CNKSR1: variants seen among roughly 807,000 people sequenced by gnomAD.
CNKSR1 encodes connector enhancer of kinase suppressor of Ras 1.
CNKSR1 carries 88 observed loss-of-function variants against 95.6 expected under a neutral mutation model. The ratio of observed to expected loss-of-function variants is 0.92; its 90% CI spans 0.78 to 1.10. CNKSR1 has a LOEUF of 1.10. CNKSR1 is among the 50% of genes least tolerant of loss of function. The pLI is 0.00. For synonymous variants in CNKSR1, 355 were observed against 369.7 expected, an observed-to-expected ratio of 0.96 and a Z score of 0.46; for missense variants, 836 against 912.0, an observed-to-expected ratio of 0.92 and a Z score of 1.07.
chr1:26,181,066 G>A, intron 3 of CNKSR1, 170 bp downstream of exon 3: 1 of 772,280 alleles, frequency 1.3e-6, no homozygotes, highest in South Asian at 1.5e-5. Context: ...GATCACTTGA[G>A]GTCAGGAGTT....
In CNKSR1 at chr1:26,184,394, C is replaced by G. The variant is rs2088706892; in HGVS notation, c.1001-7C>G. 1 of 1,611,700 alleles carries G rather than the reference C, an allele frequency of 6.2e-7. No individual in the cohort carries two copies. Among genetic ancestry groups the G allele is most frequent in the Non-Finnish European group, 8.5e-7 (1 of 1,178,292 alleles). On this transcript the variant is annotated splice_region_variant and splice_polypyrimidine_tract_variant and intron_variant, in intron 11 of 20. Transcript: ENST00000361530. Reference sequence around the variant, plus strand: ...GACTTTCCCTCTCTCTCCTCCCTCCCTGACAGACTCTGCCTCCCTTGGCCC... The same window carrying G: ...GACTTTCCCTCTCTCTCCTCCCTCCGTGACAGACTCTGCCTCCCTTGGCCC...
Position 26,189,380 on chromosome 1 carries a change from C to T in CNKSR1, c.1974C>T (p.Tyr658=). The T allele has an allele frequency of 6.2e-7, 1 of 1,613,966 alleles. No homozygotes were observed. Among genetic ancestry groups the T allele is most frequent in the South Asian group, 1.1e-5 (1 of 91,080 alleles). Reference sequence around the variant, plus strand: ...GGAAGGAGCAGAACCGGGAGCTGTACTCAGAGGGCCTGGGGGCCTGGGGAG... The same window carrying T: ...GGAAGGAGCAGAACCGGGAGCTGTATTCAGAGGGCCTGGGGGCCTGGGGAG... The part of the protein sequence containing the change: ...RQWKEQNREL[Y]SEGLGAWGVA... Residue 658 remains tyrosine (Y), a synonymous_variant, in exon 21 of 21, where the codon TAC becomes TAT. Coordinates refer to ENST00000361530, the MANE Select transcript of CNKSR1 (RefSeq NM_006314.3).
chr1:26,185,383 G>C (rs2088730643), intron 14 of CNKSR1, among the ~76,000 whole-genome samples, 197 bp downstream of exon 14: 1 of 150,876 alleles, frequency 6.6e-6, no homozygotes, highest in South Asian at 2.1e-4. Flanking sequence ...AGGAGGTATA[G>C]AGAAAAATCT....
intron 12 of CNKSR1, 23 bp from the exon 13 acceptor site, chr1:26,184,562 T>G (rs999908148): frequency 1.9e-6 from 3 of 1,608,166 alleles, no homozygotes; most frequent in Non-Finnish European, 2.5e-6. Flanking sequence ...GATCCTTCTC[T>G]CACCCTTCTG....
At chr1:26,186,511 G>T (rs1441144427) in intron 14 of CNKSR1, among the ~76,000 whole-genome samples, 3 of 152,112 alleles carry the variant, frequency 2.0e-5, no homozygotes, top group Non-Finnish European at 4.4e-5. Flanking sequence ...GTCTCGCTCT[G>T]TTGCCCAGGC....
chr1:26,184,409 T>C lies in CNKSR1; in HGVS notation c.1009T>C (p.Ser337Pro). The C allele has an allele frequency of 6.2e-7, 1 of 1,612,942 alleles. No homozygotes were observed. Among genetic ancestry groups the C allele is most frequent in the Non-Finnish European group, 8.5e-7 (1 of 1,179,360 alleles). The change falls in exon 12 of 21, where the codon TCC becomes CCC. Residue 337 changes from serine to proline, a missense_variant. By Grantham distance (74) the Ser-to-Pro change is moderately conservative (BLOSUM62 -1). Coordinates refer to ENST00000361530, the MANE Select transcript of CNKSR1 (RefSeq NM_006314.3). Reference protein sequence around the residue: ...GPSPAWTDSASLGPEPLPIPP... With the variant: ...GPSPAWTDSAPLGPEPLPIPP... Reference sequence around the variant, plus strand: ...TCCTCCCTCCCTGACAGACTCTGCCTCCCTTGGCCCTGAGCCCCTGCCCAT... The same window carrying C: ...TCCTCCCTCCCTGACAGACTCTGCCCCCCTTGGCCCTGAGCCCCTGCCCAT...
chr1:26,184,247 G>C lies in CNKSR1; in HGVS notation c.960G>C (p.Leu320=). The C allele has an allele frequency of 6.2e-7, 1 of 1,613,566 alleles. No individual in the cohort carries two copies. The highest frequency in any genetic ancestry group is 2.2e-5 in the East Asian group (1 of 44,768). The change falls in exon 11 of 21, where the codon CTG becomes CTC. Residue 320 remains leucine (L), a synonymous_variant. Transcript: ENST00000361530. ...APSEDVFAFD[L]SSNPSPGPSP... ...CTGAAGACGTCTTTGCCTTTGACCTGTCTTCAAACCCCAGTCCCGGACCCA... is the reference window on the plus strand; with the variant it reads ...CTGAAGACGTCTTTGCCTTTGACCTCTCTTCAAACCCCAGTCCCGGACCCA...
At position 26,189,855 on chromosome 1, in the gene CNKSR1, C is replaced by A; in HGVS notation, c.*307C>A. 1 of 597,802 alleles carries A rather than the reference C, an allele frequency of 1.7e-6. No individual in the cohort carries two copies. Among genetic ancestry groups the A allele is most frequent in the South Asian group, 1.7e-5 (1 of 57,628 alleles). 37.0% of individuals were successfully genotyped at this position (597,802 alleles called of 1,614,324 possible). On this transcript the variant is annotated 3_prime_UTR_variant, in exon 21 of 21. Coordinates refer to ENST00000361530, the MANE Select transcript of CNKSR1 (RefSeq NM_006314.3). Reference sequence around the variant, plus strand: ...CTTTATTTTACATGAGGGCTACTTTCCAACCAAATAAAGTCAATTTTTCTA... The same window carrying A: ...CTTTATTTTACATGAGGGCTACTTTACAACCAAATAAAGTCAATTTTTCTA...
intron 14 of CNKSR1, among the ~76,000 whole-genome samples, chr1:26,186,474 T>TGTTTG (rs1419352171): frequency 2.0e-5 from 3 of 149,722 alleles, no homozygotes; most frequent in Non-Finnish European, 1.5e-5. Flanking sequence ...CTAAGTTTTT[T>TGTTTG]GTTTGTTTTG....
In CNKSR1 at chr1:26,180,897, G is replaced by A. The variant is rs767934871; in HGVS notation, c.392+1G>A. On this transcript the variant is annotated splice_donor_variant, in intron 3 of 20. Coordinates refer to ENST00000361530, the MANE Select transcript of CNKSR1 (RefSeq NM_006314.3). LOFTEE classifies it high-confidence loss of function. ...ACGCCCTCCTCTTCTGGCTCAGCAG[G>A]TACCCGGGTTGGGGTGACGAGTGAG... 1.2e-5 allele frequency: 19 copies of A among 1,614,204 alleles called. No individual in the cohort carries two copies. The highest frequency in any genetic ancestry group is 1.5e-5 in the Non-Finnish European group (18 of 1,180,034).
intron 4 of CNKSR1, 115 bp from the exon 5 acceptor site, chr1:26,182,246 C>A: frequency 9.3e-7 from 1 of 1,069,548 alleles, no homozygotes; most frequent in Non-Finnish European, 1.4e-6. Context: ...GGCAGGGGGC[C>A]AGTGTAGGGA....
chr1:26,181,557 A>C, intron 3 of CNKSR1: 2 of 345,368 alleles, frequency 5.8e-6, no homozygotes, highest in Admixed American at 3.9e-5. Flanking sequence ...AACTTATTAT[A>C]AACTCATTAT....
At position 26,182,488 on chromosome 1, in the gene CNKSR1, C is replaced by T. The variant is rs200688138; in HGVS notation, c.528C>T (p.His176=). ...KEGTVLRICS[H]VAGICHNILV... is the part of the protein sequence containing the mutation. Reference sequence around the variant, plus strand: ...CCGCTCCCCTCCCCCAGTGCAGCCACGTGGCTGGGATCTGCCACAACATCC... The same window carrying T: ...CCGCTCCCCTCCCCCAGTGCAGCCATGTGGCTGGGATCTGCCACAACATCC... The change falls in exon 6 of 21, where the codon CAC becomes CAT. Residue 176 remains histidine, a synonymous_variant. Transcript: ENST00000361530. The T allele has an allele frequency of 9.3e-6, 15 of 1,613,876 alleles. No homozygotes were observed. The highest frequency in any genetic ancestry group is 5.0e-5 in the Admixed American group (3 of 60,004).
chr1:26,188,259 A>T lies in CNKSR1; in HGVS notation c.1480A>T (p.Ile494Phe), dbSNP rs749073890. The T allele has an allele frequency of 1.2e-6, 2 of 1,613,996 alleles. No homozygotes were observed. Among genetic ancestry groups the T allele is most frequent in the South Asian group, 2.2e-5 (2 of 91,068 alleles). Residue 494 changes from isoleucine to phenylalanine, a missense_variant, in exon 17 of 21, where the codon ATC (isoleucine) becomes TTC (phenylalanine). Physicochemically the swap from Ile to Phe is conservative, Grantham distance 21 (BLOSUM62 0). Transcript: ENST00000361530. ...GTGGGTGCGTCATCTCATTACCTGC[A>T]TCTCCAAGTACCAGTCTCCAGGCCG... ...SMWVRHLITC[I>F]SKYQSPGRAP...
At position 26,182,522 on chromosome 1, in the gene CNKSR1, T is replaced by C. The variant is rs1422070664; in HGVS notation, c.562T>C (p.Cys188Arg). ...AGICHNILVC[C>R]PKELLEQKAV... ...GATCTGCCACAACATCCTGGTCTGC[T>C]GCCCCAAGGAGCTGCTGGAACAGAA... Residue 188 changes from cysteine to arginine, a missense_variant, in exon 6 of 21, where the codon TGC (cysteine) becomes CGC (arginine). Transcript: ENST00000361530. The C allele has an allele frequency of 6.2e-7, 1 of 1,614,012 alleles. No homozygotes were observed. The highest frequency in any genetic ancestry group is 2.2e-5 in the East Asian group (1 of 44,866).
Position 26,182,407 on chromosome 1 carries a change from G to A in CNKSR1, c.519+5G>A. The A allele has an allele frequency of 6.2e-7, 1 of 1,614,084 alleles. No homozygotes were observed. The highest frequency in any genetic ancestry group is 8.5e-7 in the Non-Finnish European group (1 of 1,179,978). ...GAGGGCACAGTCCTGAGGATCGTGA[G>A]TCTGTGGGGTGGGAAGAGAGTGGGG... On this transcript the variant is annotated splice_donor_5th_base_variant and intron_variant, in intron 5 of 20. Transcript: ENST00000361530.
intron 13 of CNKSR1, 28 bp from the exon 14 acceptor site, chr1:26,184,986 C>G: frequency 6.4e-7 from 1 of 1,572,980 alleles, no homozygotes; most frequent in Non-Finnish European, 8.6e-7. Flanking sequence ...CAGCCCCTCA[C>G]TGCCCAGCTT....
At chr1:26,184,173 G>T in intron 10 of CNKSR1, 32 bp downstream of exon 10, 1 of 1,611,978 alleles carries the variant, frequency 6.2e-7, no homozygotes, top group Non-Finnish European at 8.5e-7. Flanking sequence ...TGTCTTGGTG[G>T]GGAGACCGTG....
In CNKSR1 at chr1:26,188,492, C is replaced by T. The variant is rs892922323; in HGVS notation, c.1579C>T (p.His527Tyr). 1 of 1,603,868 alleles carries T rather than the reference C, an allele frequency of 6.2e-7. No individual in the cohort carries two copies. Among genetic ancestry groups the T allele is most frequent in the Admixed American group, 1.7e-5 (1 of 57,960 alleles). ...GGACCCGGACGATGAGGCTGGGTCCCACTCAGCCTCGGTGAGTGGGGGGCT... is the reference window on the plus strand; with the variant it reads ...GGACCCGGACGATGAGGCTGGGTCCTACTCAGCCTCGGTGAGTGGGGGGCT... Reference protein sequence around the residue: ...AEDPDDEAGSHSASPSPAQAG... With the variant: ...AEDPDDEAGSYSASPSPAQAG... The change falls in exon 18 of 21, where the codon CAC becomes TAC. Residue 527 changes from histidine to tyrosine, a missense_variant. His to Tyr is a moderately conservative substitution (Grantham distance 83, BLOSUM62 2). Coordinates refer to ENST00000361530, the MANE Select transcript of CNKSR1 (RefSeq NM_006314.3).
Sources: allele counts gnomAD v4.1 joint callset (sites outside exome capture counted in the v4.1 genomes callset), GRCh38; gene constraint gnomAD v4.1.1; transcripts MANE v1.5; gene names NCBI Gene and HGNC (gene_info 2026-07-23, HGNC 2026-07-21).